The following NRL variants were observed in gnomAD, a reference collection of about 807,000 sequenced individuals.
The protein encoded by NRL is neural retina leucine zipper, also known as neural retina-specific leucine zipper protein.
NRL carries 16 observed loss-of-function variants against 12.5 expected under a neutral mutation model. The observed-to-expected ratio is 1.28, with a 90% CI of 0.87 to 1.95. The LOEUF (loss-of-function observed/expected upper bound fraction) is 1.95. Among genes scored for constraint, NRL ranks in the 30% most tolerant of loss-of-function variants. The pLI is 0.00. For missense variants in NRL, 314 were observed against 325.8 expected, an observed-to-expected ratio of 0.96 and a Z score of 0.28; for synonymous variants, 142 against 150.9, an observed-to-expected ratio of 0.94 and a Z score of 0.43.
intron 1 of NRL, chr14:24,100,321 C>A: frequency 6.6e-7 from 1 of 1,518,722 alleles, no homozygotes; most frequent in African/African-American, 1.4e-5. Flanking sequence ...CCAGGAGGCA[C>A]AGAAGTCATG....
chr14:24,100,176 T>G (rs1566578856), intron 1 of NRL: 1 of 1,614,184 alleles, frequency 6.2e-7, no homozygotes, highest in Non-Finnish European at 8.5e-7. Context: ...CACCTGGTGT[T>G]ACTGTGACCT....
At chr14:24,101,818 G>A (rs2037173645) in intron 1 of NRL, among the ~76,000 whole-genome samples, 1 of 152,084 alleles carries the variant, frequency 6.6e-6, no homozygotes, top group South Asian at 2.1e-4. Flanking sequence ...CTACTCAGGA[G>A]GCAGGAAAAT....
intron 1 of NRL, among the ~76,000 whole-genome samples, chr14:24,091,452 G>A (rs1391927924): frequency 6.6e-6 from 1 of 152,206 alleles, no homozygotes; most frequent in African/African-American, 2.4e-5. Flanking sequence ...AGGAGAAAAG[G>A]AGGCAAGTGG....
chr14:24,081,394 C>T lies in NRL; in HGVS notation c.556G>A (p.Gly186Arg), dbSNP rs1455172842. The T allele has an allele frequency of 1.4e-6, 2 of 1,479,842 alleles. No homozygotes were observed. The highest frequency in any genetic ancestry group is 1.8e-6 in the Non-Finnish European group (2 of 1,117,674). The allele number at this position is 1,479,842 out of a possible 1,614,324, so 91.7% of individuals were successfully genotyped here. A position where few individuals can be genotyped will look rare whatever the true frequency, so the allele number is the denominator to read the frequency against. Residue 186 changes from glycine (G) to arginine (R), a missense_variant, in exon 3 of 3, where the codon GGG (glycine) becomes AGG (arginine). Gly to Arg is a moderately radical substitution (Grantham distance 125). Transcript: ENST00000561028. The surrounding 1 kb of genome is among the most constrained non-coding windows in gnomAD (Gnocchi z 4.4). ...AGGCGGGCGCGCTCGGCCTCCAGCCCGCGCCGCTGCTGCAGCCGCTTGGAG... is the reference window on the plus strand; with the variant it reads ...AGGCGGGCGCGCTCGGCCTCCAGCCTGCGCCGCTGCTGCAGCCGCTTGGAG... The part of the protein sequence containing the change: ...CRSKRLQQRR[G>R]LEAERARLAA...
chr14:24,104,668 CAAAAA>C (rs1255709048), intron 1 of NRL, among the ~76,000 whole-genome samples: 1 of 144,146 alleles, frequency 6.9e-6, no homozygotes, highest in African/African-American at 2.6e-5. Context: ...CAAAACAAAA[CAAAAA>C]AAAAACTGAG....
At chr14:24,088,452 T>C (rs927596662) in intron 1 of NRL, among the ~76,000 whole-genome samples, 1 of 152,222 alleles carries the variant, frequency 6.6e-6, no homozygotes, top group Non-Finnish European at 1.5e-5. Context: ...GGAGGCAAAG[T>C]GGGCCCAGCT....
Position 24,094,647 on chromosome 14 carries a change from C to G in NRL, c.-27-11772G>C. On this transcript the variant is annotated intron_variant, in intron 1 of 2. Transcript: ENST00000561028. This position sits in a 1 kb window ranked among gnomAD's most constrained non-coding sequence, Gnocchi z 4.1. ...CTCCTCGTTTCCGCCTGCACCTCCCCTTCTCTGCCTCGCTCGCCTCTGACC... is the reference window on the plus strand; with the variant it reads ...CTCCTCGTTTCCGCCTGCACCTCCCGTTCTCTGCCTCGCTCGCCTCTGACC... 18 of 1,492,456 alleles carry G rather than the reference C, an allele frequency of 1.2e-5. 1 individual carries two copies. Among genetic ancestry groups the G allele is most frequent in the Non-Finnish European group, 1.5e-5 (17 of 1,122,372 alleles). 92.5% of individuals were successfully genotyped at this position (1,492,456 alleles called of 1,614,324 possible). A position where few individuals can be genotyped will look rare whatever the true frequency, so the allele number is the denominator to read the frequency against.
chr14:24,084,468 G>C, intron 1 of NRL: 2 of 831,926 alleles, frequency 2.4e-6, no homozygotes, highest in Non-Finnish European at 2.9e-6. Flanking sequence ...GTGTTAAAGA[G>C]GGGGTTCTAG....
chr14:24,094,599 CT>C lies in NRL; in HGVS notation c.-27-11725del. ...GTCCAGCCTCCCGCGCCGCGCGTCT[CT>C]TGGGAGGGCAGCCGGCCGGTGCTCC... On this transcript the variant is annotated intron_variant, in intron 1 of 2. Transcript: ENST00000561028. The surrounding 1 kb of genome is among the most constrained non-coding windows in gnomAD (Gnocchi z 4.1). The C allele has an allele frequency of 6.8e-7, 1 of 1,461,300 alleles. No individual in the cohort carries two copies. The highest frequency in any genetic ancestry group is 1.4e-5 in the South Asian group (1 of 71,288). The allele number at this position is 1,461,300 out of a possible 1,614,324, so 90.5% of individuals were successfully genotyped here. A position where few individuals can be genotyped will look rare whatever the true frequency, so the allele number is the denominator to read the frequency against.
chr14:24,103,524 C>G (rs748953811), intron 1 of NRL: 2 of 1,554,200 alleles, frequency 1.3e-6, no homozygotes, highest in African/African-American at 1.4e-5. Context: ...GATCATCATG[C>G]ACGACCCATT....
rs745821621 is a variant in NRL at position 24,094,376 on chromosome 14, T to C, written c.-27-11501A>G. Reference sequence around the variant, plus strand: ...TACCTCCCCGGCTCCGCTCGGTTCCTGGCCACCCCGCAGCCCCTGCCCAGG... The same window carrying C: ...TACCTCCCCGGCTCCGCTCGGTTCCCGGCCACCCCGCAGCCCCTGCCCAGG... On this transcript the variant is annotated intron_variant, in intron 1 of 2. Transcript: ENST00000561028. This position sits in a 1 kb window ranked among gnomAD's most constrained non-coding sequence, Gnocchi z 4.1. 6.5e-7 allele frequency: 1 copy of C among 1,543,504 alleles called. No individual in the cohort carries two copies. Among genetic ancestry groups the C allele is most frequent in the South Asian group, 1.2e-5 (1 of 84,428 alleles).
In NRL at chr14:24,079,347, G is replaced by C. The variant is rs927156544; in HGVS notation, c.*1889C>G. 1.3e-5 allele frequency among the ~76,000 whole-genome samples: 2 copies of C among 152,198 alleles called. No homozygotes were observed. The highest frequency in any genetic ancestry group is 4.8e-5 in the African/African-American group (2 of 41,458). ...TGAAATTTAGAGTGAGAGAAAAAGA[G>C]CTGGGCTCCCGGAAGGACCCTCCCT... is the stretch of plus-strand genomic sequence containing the variant. On this transcript the variant is annotated 3_prime_UTR_variant, in exon 3 of 3. Transcript: ENST00000561028.
chr14:24,093,770 T>C (rs1296037050), intron 1 of NRL, among the ~76,000 whole-genome samples: 2 of 152,062 alleles, frequency 1.3e-5, no homozygotes, highest in East Asian at 3.9e-4. Context: ...CACCATTTCA[T>C]GGCAAGGCAG....
intron 1 of NRL, among the ~76,000 whole-genome samples, chr14:24,104,642 A>C (rs1343851378): frequency 6.8e-6 from 1 of 147,756 alleles, no homozygotes. Flanking sequence ...CTCCGTCACA[A>C]AAAAAAAAAA....
At chr14:24,099,832 C>T in intron 1 of NRL, 2 of 1,506,764 alleles carry the variant, frequency 1.3e-6, no homozygotes, top group Non-Finnish European at 1.8e-6. Flanking sequence ...GAACACCCAA[C>T]CCTGCTCCAT....
chr14:24,103,300 C>T (rs1393070102), intron 1 of NRL: 1 of 1,444,204 alleles, frequency 6.9e-7, no homozygotes, highest in Non-Finnish European at 9.7e-7. Context: ...GTGCACACAG[C>T]ACGTCCTCTC....
chr14:24,099,846 T>C, intron 1 of NRL: 1 of 1,539,422 alleles, frequency 6.5e-7, no homozygotes, highest in East Asian at 2.2e-5. Context: ...GCTCCATTCC[T>C]CTGGCAGCCC....
intron 1 of NRL, chr14:24,103,993 T>C: frequency 6.5e-7 from 1 of 1,537,286 alleles, no homozygotes; most frequent in East Asian, 2.3e-5. Context: ...CAAGAGGACA[T>C]AGCACCCTCA....
chr14:24,083,024 C>T, intron 1 of NRL, 149 bp from the exon 2 acceptor site: 1 of 737,546 alleles, frequency 1.4e-6, no homozygotes, highest in Non-Finnish European at 2.2e-6. Flanking sequence ...TGCAGAGTCC[C>T]CACCAGGCTG....
Sources: gnomAD v4.1 joint callset for allele counts (sites outside exome capture counted in the v4.1 genomes callset) on GRCh38, gnomAD v4.1.1 for gene constraint, Gnocchi (gnomAD v3.1) non-coding constraint, MANE v1.5 for transcripts, NCBI Gene and HGNC (gene_info 2026-07-23, HGNC 2026-07-21) for gene names.